The following RASSF5 variants were observed in gnomAD, a reference collection of about 807,000 sequenced individuals.
RASSF5 encodes the protein Ras association domain family member 5, also known as ras association domain-containing protein 5.
A neutral mutation model predicts 40.5 loss-of-function variants in RASSF5; 25 were observed. The observed-to-expected ratio is 0.62, with a 90% CI of 0.45 to 0.86. The LOEUF (loss-of-function observed/expected upper bound fraction) is 0.86. Among genes scored for constraint, RASSF5 ranks in the 40% least tolerant of loss-of-function variants. The pLI is 0.00. For missense variants in RASSF5, 521 were observed against 572.8 expected (o/e 0.91, Z 0.92); for synonymous variants, 246 against 252.4 (o/e 0.97, Z 0.24).
At chr1:206,566,300 A>G (rs1668287325) in intron 2 of RASSF5, among the ~76,000 whole-genome samples, 1 of 152,060 alleles carries the variant, frequency 6.6e-6, no homozygotes, top group African/African-American at 2.4e-5. Context: ...TCAAGCTCTG[A>G]TGTCCTGCCG....
intron 1 of RASSF5, among the ~76,000 whole-genome samples, chr1:206,528,758 C>T (rs1667160984): frequency 6.6e-6 from 1 of 152,130 alleles, no homozygotes; most frequent in African/African-American, 2.4e-5. Flanking sequence ...TTAGTGGTAG[C>T]CAGGCACAGT....
At chr1:206,533,933 T>C (rs948451462) in intron 1 of RASSF5, among the ~76,000 whole-genome samples, 1 of 152,098 alleles carries the variant, frequency 6.6e-6, no homozygotes, top group African/African-American at 2.4e-5. Context: ...CACGTGACGA[T>C]GGACACAGAG....
chr1:206,520,234 C>T (rs1213007021), intron 1 of RASSF5, among the ~76,000 whole-genome samples: 3 of 152,218 alleles, frequency 2.0e-5, no homozygotes, highest in Non-Finnish European at 4.4e-5. Flanking sequence ...GAAAGGTGGA[C>T]TGCAGACTGT....
intron 1 of RASSF5, among the ~76,000 whole-genome samples, chr1:206,530,252 G>C (rs1301748246): frequency 2.6e-5 from 4 of 152,156 alleles, no homozygotes; most frequent in Non-Finnish European, 5.9e-5. Flanking sequence ...AGTATGTATA[G>C]ATTTTATATC....
At chr1:206,514,084 G>A (rs1194572967) in intron 1 of RASSF5, among the ~76,000 whole-genome samples, 1 of 152,250 alleles carries the variant, frequency 6.6e-6, no homozygotes, top group Non-Finnish European at 1.5e-5. Flanking sequence ...GTTCTAGCAT[G>A]CCTGTGGTTC....
At chr1:206,523,851 A>T (rs1667005162) in intron 1 of RASSF5, among the ~76,000 whole-genome samples, 1 of 108,794 alleles carries the variant, frequency 9.2e-6, no homozygotes, top group African/African-American at 3.8e-5. Flanking sequence ...TATATACTAT[A>T]CAATATATTT....
chr1:206,532,800 A>G (rs984895274), intron 1 of RASSF5, among the ~76,000 whole-genome samples: 15 of 152,104 alleles, frequency 9.9e-5, no homozygotes, highest in Middle Eastern at 3.2e-3. Flanking sequence ...GGAGGAGGGG[A>G]GAGTTAAATG....
intron 1 of RASSF5, among the ~76,000 whole-genome samples, chr1:206,537,486 G>A (rs1010750419): frequency 1.3e-5 from 2 of 152,212 alleles, no homozygotes; most frequent in East Asian, 3.8e-4. Context: ...ATAACTAGAA[G>A]CAGGCAGGGG....
At chr1:206,538,323 G>T (rs782714173) in intron 2 of RASSF5, 30 bp downstream of exon 2, 2 of 1,610,878 alleles carry the variant, frequency 1.2e-6, no homozygotes, top group Admixed American at 3.3e-5. Context: ...TACCAAGCTG[G>T]GAACAGCCTC....
At chr1:206,523,490 A>T (rs1315752952) in intron 1 of RASSF5, among the ~76,000 whole-genome samples, 1 of 18,270 alleles carries the variant, frequency 5.5e-5, no homozygotes, top group Admixed American at 8.0e-4. Context: ...ATATAATATT[A>T]TATATTATAT....
chr1:206,557,512 G>C (rs1454879560), intron 2 of RASSF5: 1 of 1,603,702 alleles, frequency 6.2e-7, no homozygotes, highest in African/African-American at 1.3e-5. Context: ...ACCTCCCTCC[G>C]CCGCATCCCA....
Position 206,535,572 on chromosome 1 carries a change from C to G in RASSF5, c.458-2600C>G, listed in dbSNP as rs76699770. 3.3e-5 allele frequency among the ~76,000 whole-genome samples: 5 copies of G among 152,220 alleles called. No individual in the cohort carries two copies. Among genetic ancestry groups the G allele is most frequent in the Non-Finnish European group, 7.4e-5 (5 of 67,996 alleles). ...TTGCTGCAGCCTGTGATTACATGGT[C>G]CGATGGAACAAAGTCTTTGGTGCTC... On this transcript the variant is annotated intron_variant, in intron 1 of 5. Transcript: ENST00000579436. This position sits in a 1 kb window ranked among gnomAD's most constrained non-coding sequence, Gnocchi z 5.0.
rs967794608 is a variant in RASSF5 at position 206,507,690 on chromosome 1, G to T, written c.88G>T (p.Gly30Cys). ...GCCGCGCTATCTACAGAGCCTGAGC[G>T]GCCCCGAGCTACCGCCGCCGCCCCC... ...EPPRYLQSLS[G>C]PELPPPPPDR... is the part of the protein sequence containing the mutation. The change falls in exon 1 of 6, where the codon GGC becomes TGC. Residue 30 changes from glycine (G) to cysteine (C), a missense_variant. Physicochemically the swap from Gly to Cys is radical, Grantham distance 159. This residue lies in a region of RASSF5 where 237 missense variants were observed against 212.0 expected (regional missense o/e 1.12). Coordinates refer to ENST00000579436, the MANE Select transcript of RASSF5 (RefSeq NM_182663.4). 6.7e-7 allele frequency: 1 copy of T among 1,500,112 alleles called. No homozygotes were observed. The highest frequency in any genetic ancestry group is 1.3e-5 in the South Asian group (1 of 79,678). The allele number at this position is 1,500,112 out of a possible 1,614,324, so 92.9% of individuals were successfully genotyped here.
At chr1:206,534,776 C>A (rs1667336095) in intron 1 of RASSF5, among the ~76,000 whole-genome samples, 1 of 152,202 alleles carries the variant, frequency 6.6e-6, no homozygotes, top group Non-Finnish European at 1.5e-5. Context: ...TTCATCCTCA[C>A]CCTCGGGCTA....
intron 1 of RASSF5, among the ~76,000 whole-genome samples, chr1:206,517,068 C>G (rs1179137772): frequency 6.6e-6 from 1 of 152,222 alleles, no homozygotes; most frequent in African/African-American, 2.4e-5. Flanking sequence ...GAGAAAGAAT[C>G]AGTCCGCAAC....
intron 1 of RASSF5, among the ~76,000 whole-genome samples, chr1:206,516,352 C>T (rs879957375): frequency 1.2e-4 from 18 of 152,184 alleles, no homozygotes; most frequent in Admixed American, 1.1e-3. Flanking sequence ...TTCCCAATGG[C>T]TTAACCTGTC....
chr1:206,529,577 C>T (rs376183255), intron 1 of RASSF5: 56 of 804,466 alleles, frequency 7.0e-5, no homozygotes, highest in African/African-American at 3.3e-4. Flanking sequence ...CTATCAGGAC[C>T]GATTACAATG....
At chr1:206,536,288 C>T (rs755835553) in intron 1 of RASSF5, among the ~76,000 whole-genome samples, 5 of 152,066 alleles carry the variant, frequency 3.3e-5, no homozygotes, top group Non-Finnish European at 5.9e-5. Context: ...AGGAGGGAGG[C>T]GTAGAGAAGC....
At chr1:206,508,906 A>T (rs1343924859) in intron 1 of RASSF5, among the ~76,000 whole-genome samples, 1 of 152,080 alleles carries the variant, frequency 6.6e-6, no homozygotes, top group Non-Finnish European at 1.5e-5. Context: ...GCCAATCTTC[A>T]GTCTCCTTGG....
Sources: gnomAD v4.1 joint callset for allele counts (sites outside exome capture counted in the v4.1 genomes callset) on GRCh38, gnomAD v4.1.1 for gene constraint, gnomAD v4.1.1 regional missense constraint, Gnocchi (gnomAD v3.1) non-coding constraint, MANE v1.5 for transcripts, NCBI Gene and HGNC (gene_info 2026-07-23, HGNC 2026-07-21) for gene names.